Variants in ATP1B3 observed in about 807,000 individuals in gnomAD.
ATP1B3 encodes ATPase Na+/K+ transporting subunit beta 3.
In ATP1B3, 10 loss-of-function variants were observed where a neutral mutation model predicts 30.2. The ratio of observed to expected loss-of-function variants is 0.33; its 90% confidence interval spans 0.20 to 0.56. ATP1B3 has a LOEUF of 0.56. Ranked by LOEUF, ATP1B3 falls within the 20% of genes least tolerant of loss-of-function variation. The pLI is 0.90. For missense variants in ATP1B3, 238 were observed against 336.7 expected (o/e 0.71, Z 2.29); for synonymous variants, 113 against 117.0 (o/e 0.97, Z 0.22).
intron 1 of ATP1B3, among the ~76,000 whole-genome samples, chr3:141,883,024 G>A (rs913532900): frequency 6.6e-6 from 1 of 152,166 alleles, no homozygotes; most frequent in Non-Finnish European, 1.5e-5. Context: ...TAAAATCTCA[G>A]TGGCTTACTT....
intron 1 of ATP1B3, 48 bp from the exon 2 acceptor site, chr3:141,903,572 A>G (rs1224758208): frequency 3.1e-6 from 5 of 1,607,326 alleles, no homozygotes; most frequent in Middle Eastern, 1.7e-4. Flanking sequence ...ACATGCATAC[A>G]CACACACACG....
chr3:141,917,907 A>G (rs1189179953), intron 5 of ATP1B3, among the ~76,000 whole-genome samples: 1 of 151,666 alleles, frequency 6.6e-6, no homozygotes, highest in Non-Finnish European at 1.5e-5. Flanking sequence ...AACTGGGACT[A>G]CAGGCGACCG....
intron 5 of ATP1B3, chr3:141,918,351 C>T (rs1269450156): frequency 6.6e-6 from 1 of 152,190 alleles, no homozygotes; most frequent in Non-Finnish European, 1.5e-5. Flanking sequence ...TCTACAAAGC[C>T]AATACCACCT....
intron 1 of ATP1B3, among the ~76,000 whole-genome samples, chr3:141,886,717 G>T (rs1168367518): frequency 6.6e-6 from 1 of 152,192 alleles, no homozygotes; most frequent in African/African-American, 2.4e-5. Context: ...AAAAAGTTCA[G>T]CCAGATGTGA....
chr3:141,916,506 A>C, intron 5 of ATP1B3: 2 of 1,250,574 alleles, frequency 1.6e-6, no homozygotes, highest in Non-Finnish European at 2.1e-6. Flanking sequence ...TGCAGTTTTC[A>C]TCTCATAACT....
At chr3:141,885,614 A>C (rs1381058898) in intron 1 of ATP1B3, among the ~76,000 whole-genome samples, 1 of 151,784 alleles carries the variant, frequency 6.6e-6, no homozygotes, top group Non-Finnish European at 1.5e-5. Context: ...ATGCCTGGCA[A>C]TTTTTGTATT....
intron 1 of ATP1B3, among the ~76,000 whole-genome samples, chr3:141,903,196 C>T (rs113023744): frequency 1.4e-4 from 21 of 152,198 alleles, no homozygotes; most frequent in African/African-American, 2.9e-4. Context: ...GTGAAATATG[C>T]GTTTCATGTA....
chr3:141,877,749 A>G (rs1933633267), intron 1 of ATP1B3, among the ~76,000 whole-genome samples: 1 of 149,252 alleles, frequency 6.7e-6, no homozygotes, highest in Non-Finnish European at 1.5e-5. Flanking sequence ...GTTTTAATAT[A>G]TTTAAACCAT....
At chr3:141,921,151 A>T (rs1050992733) in intron 5 of ATP1B3, among the ~76,000 whole-genome samples, 4 of 152,052 alleles carry the variant, frequency 2.6e-5, no homozygotes, top group Non-Finnish European at 4.4e-5. Flanking sequence ...ACTGATTTTA[A>T]TCATTGTGGT....
chr3:141,899,923 C>T (rs189228699), intron 1 of ATP1B3, among the ~76,000 whole-genome samples: 1 of 152,012 alleles, frequency 6.6e-6, no homozygotes, highest in Non-Finnish European at 1.5e-5. Flanking sequence ...CCCAACTTCT[C>T]AGGAAGCTGA....
chr3:141,884,936 ATC>A (rs992429500), intron 1 of ATP1B3, among the ~76,000 whole-genome samples: 5 of 152,098 alleles, frequency 3.3e-5, no homozygotes, highest in African/African-American at 1.2e-4. Flanking sequence ...CTTGGTTGAC[ATC>A]TCTCTCAGGT....
At chr3:141,910,802 A>AT (rs1281369260) in intron 3 of ATP1B3, among the ~76,000 whole-genome samples, 6 of 106,958 alleles carry the variant, frequency 5.6e-5, no homozygotes, top group South Asian at 3.0e-4. Context: ...AATTATTTTT[A>AT]TTTTTTCTCT....
chr3:141,893,511 A>G (rs1933999004), intron 1 of ATP1B3, among the ~76,000 whole-genome samples: 1 of 151,588 alleles, frequency 6.6e-6, no homozygotes, highest in Non-Finnish European at 1.5e-5. Context: ...TTTTTCATAT[A>G]CTCCTTCTCT....
Position 141,890,285 on chromosome 3 carries a change from CTTTTTTTTTTTTTTTTTTTT to C in ATP1B3, c.110-13319_110-13300del, listed in dbSNP as rs775182342. 2.7e-3 allele frequency among the ~76,000 whole-genome samples: 77 copies of C among 28,570 alleles called. 2 individuals are homozygous for C. The highest frequency in any genetic ancestry group is 0.021 in the East Asian group (9 of 434). 18.7% of individuals were successfully genotyped at this position (28,570 alleles called of 152,430 possible). ...TTTGTTTGTTTGTTTTTTTGTGGGGCTTTTTTTTTTTTTTTTTTTTTTTTTTTTTTTTTTTGAGATGGAGT... is the reference window on the plus strand; with the variant it reads ...TTTGTTTGTTTGTTTTTTTGTGGGGCTTTTTTTTTTTTTTTGAGATGGAGT... On this transcript the variant is annotated intron_variant, in intron 1 of 6. Transcript: ENST00000286371.
chr3:141,916,327 T>C (rs1286946653), intron 5 of ATP1B3: 3 of 479,552 alleles, frequency 6.3e-6, no homozygotes, highest in East Asian at 6.3e-5. Context: ...ACCCTTGTAA[T>C]TGATGGTGTC....
At chr3:141,919,597 C>T (rs79802859) in intron 5 of ATP1B3, among the ~76,000 whole-genome samples, 1,535 of 152,162 alleles carry the variant, frequency 0.01, 22 homozygotes, top group African/African-American at 0.035. Context: ...TTCAGTGGAA[C>T]TTAGTGACCA....
At chr3:141,891,476 G>C (rs1559866765) in intron 1 of ATP1B3, among the ~76,000 whole-genome samples, 1 of 152,018 alleles carries the variant, frequency 6.6e-6, no homozygotes, top group African/African-American at 2.4e-5. Context: ...TTCATGGTTT[G>C]AACATTTTAA....
intron 5 of ATP1B3, among the ~76,000 whole-genome samples, chr3:141,917,931 C>A (rs1934497904): frequency 6.6e-6 from 1 of 151,804 alleles, no homozygotes; most frequent in South Asian, 2.1e-4. Context: ...CCACGCCCGG[C>A]TAATTTTTTG....
At chr3:141,923,181 G>A (rs765007088) in intron 6 of ATP1B3, among the ~76,000 whole-genome samples, 4 of 151,794 alleles carry the variant, frequency 2.6e-5, no homozygotes, top group South Asian at 4.2e-4. Context: ...GGGAGACTGA[G>A]GCAGGAGAAT....
Sources: gnomAD v4.1 joint callset for allele counts (sites outside exome capture counted in the v4.1 genomes callset) on GRCh38, gnomAD v4.1.1 for gene constraint, MANE v1.5 for transcripts, NCBI Gene and HGNC (gene_info 2026-07-23, HGNC 2026-07-21) for gene names.